The following NCR1 variants were observed in gnomAD, a reference collection of about 807,000 sequenced individuals.
NCR1 encodes natural cytotoxicity triggering receptor 1, also known as NK cell-activating receptor.
NCR1 carries 30 observed loss-of-function variants against 32.5 expected under a neutral mutation model. The observed-to-expected ratio is 0.92, with a 90% CI of 0.69 to 1.25. The LOEUF (loss-of-function observed/expected upper bound fraction) is 1.25. NCR1 is among the 50% of genes most tolerant of loss of function. The pLI, the probability that NCR1 is intolerant of heterozygous loss-of-function variation, is 0.00. For missense variants in NCR1, 369 were observed against 380.7 expected, an observed-to-expected ratio of 0.97 and a Z score of 0.26; for synonymous variants, 169 against 143.4, an observed-to-expected ratio of 1.18 and a Z score of -1.28.
At chr19:54,914,308 C>G (rs1362806671), downstream of NCR1, among the ~76,000 whole-genome samples, 1 of 151,370 alleles carries the variant, frequency 6.6e-6, no homozygotes, top group Non-Finnish European at 1.5e-5. Flanking sequence ...TGTGCTGCAC[C>G]CACTAACTCG....
chr19:54,901,569 C>CGAGGCAGGTGGGAGGCT (rs1569535321), upstream of NCR1, among the ~76,000 whole-genome samples: 2 of 151,710 alleles, frequency 1.3e-5, no homozygotes, highest in African/African-American at 4.8e-5. Flanking sequence ...CTTGGGAGGC[C>CGAGGCAGGTGGGAGGCT]GAGGCAGGTG....
chr19:54,936,353 C>G, the NCR1 span: 1 of 1,614,086 alleles, frequency 6.2e-7, no homozygotes, highest in Non-Finnish European at 8.5e-7. Flanking sequence ...CTGCCAGGGT[C>G]AGGTGCGTGA....
the NCR1 span, chr19:54,927,778 G>A: frequency 1.9e-6 from 3 of 1,613,560 alleles, no homozygotes; most frequent in East Asian, 6.7e-5. Flanking sequence ...TCCAGAGGCT[G>A]TTGAGGAAGA....
In NCR1 at chr19:54,912,367, C is replaced by T. The variant is rs3826879; in HGVS notation, c.733+149C>T. ...ATCTCAGCCCTTTGGGAGGCCGAGG[C>T]GGGCAGATCATCTGAGGTCGGGAGT... On this transcript the variant is annotated intron_variant, in intron 6 of 6. Transcript: ENST00000291890. The T allele has an allele frequency of 0.023, 17,870 of 776,500 alleles. 270 individuals are homozygous for T. Among genetic ancestry groups the T allele is most frequent in the South Asian group, 0.043 (2,720 of 62,904 alleles). 48.1% of individuals were successfully genotyped at this position (776,500 alleles called of 1,614,324 possible).
chr19:54,936,077 T>C, the NCR1 span, among the ~76,000 whole-genome samples: 3 of 152,116 alleles, frequency 2.0e-5, no homozygotes, highest in African/African-American at 4.8e-5. Flanking sequence ...TAGCTGGTTA[T>C]GCAACACAGA....
downstream of NCR1, among the ~76,000 whole-genome samples, chr19:54,916,338 T>TTTTTTTTTTG (rs1556721210): frequency 7.6e-6 from 1 of 132,024 alleles, no homozygotes; most frequent in African/African-American, 2.9e-5. Flanking sequence ...TTTTTTTTTT[T>TTTTTTTTTTG]GAGACGAAGT....
At chr19:54,927,820 AG>A in the NCR1 span, 1 of 1,579,032 alleles carries the variant, frequency 6.3e-7, no homozygotes, top group South Asian at 1.1e-5. Context: ...CTGAGCAGGT[AG>A]TGGCTCAAGC....
At chr19:54,937,648 A>C in the NCR1 span, among the ~76,000 whole-genome samples, 3 of 152,092 alleles carry the variant, frequency 2.0e-5, no homozygotes, top group Non-Finnish European at 4.4e-5. Flanking sequence ...CTATAATCCC[A>C]GCACTTTGGA....
At chr19:54,926,027 AAGAC>A in the NCR1 span, among the ~76,000 whole-genome samples, 1 of 151,654 alleles carries the variant, frequency 6.6e-6, no homozygotes, top group Non-Finnish European at 1.5e-5. Context: ...TTCAAAAAAA[AAGAC>A]AGACTCCGTC....
the NCR1 span, among the ~76,000 whole-genome samples, chr19:54,922,967 CAG>C: frequency 7.3e-5 from 11 of 149,738 alleles, no homozygotes; most frequent in East Asian, 1.9e-4. Flanking sequence ...CACACAGAGA[CAG>C]AGAGAGAGAG....
the NCR1 span, chr19:54,936,418 T>C: frequency 1.9e-6 from 3 of 1,613,914 alleles, no homozygotes; most frequent in Non-Finnish European, 2.5e-6. Context: ...GTGTCAGGGG[T>C]GACGTTTTTA....
rs11345154 is a variant in NCR1, at chr19:54,909,934, C to CAAAAA, written c.635-66_635-62dup. On this transcript the variant is annotated intron_variant, in intron 4 of 6. Coordinates refer to ENST00000291890, the MANE Select transcript of NCR1 (RefSeq NM_004829.7). ...TGGGCGACAGAGCAAGACTCCATCT[C>CAAAAA]AAAAAAAAAAAAAAAAAAAAAAGAA... 529 of 610,028 alleles carry CAAAAA rather than the reference C, an allele frequency of 8.7e-4. 2 individuals carry two copies. Among genetic ancestry groups the CAAAAA allele is most frequent in the South Asian group, 1.4e-3 (71 of 50,646 alleles). 37.8% of individuals were successfully genotyped at this position (610,028 alleles called of 1,614,324 possible). A position where few individuals can be genotyped will look rare whatever the true frequency, so the allele number is the denominator to read the frequency against.
Position 54,906,681 on chromosome 19 carries a change from C to T in NCR1, c.229C>T (p.Arg77Trp), listed in dbSNP as rs142746677. The T allele has an allele frequency of 3.7e-6, 6 of 1,614,088 alleles. No homozygotes were observed. The highest frequency in any genetic ancestry group is 1.3e-5 in the African/African-American group (1 of 74,920). Residue 77 changes from arginine to tryptophan, a missense_variant, in exon 3 of 7, where the codon CGG (arginine) becomes TGG (tryptophan). Physicochemically the swap from Arg to Trp is moderately radical, Grantham distance 101. Coordinates refer to ENST00000291890, the MANE Select transcript of NCR1 (RefSeq NM_004829.7). ...FAVDRPKPPERINKVQFYIPD... is the reference protein window; with the variant it reads ...FAVDRPKPPEWINKVQFYIPD... ...CGTGGACAGACCAAAACCCCCTGAGCGGATTAACAAAGTCCAATTCTACAT... is the reference window on the plus strand; with the variant it reads ...CGTGGACAGACCAAAACCCCCTGAGTGGATTAACAAAGTCCAATTCTACAT...
chr19:54,906,420 AGGGTGCT>A, intron 2 of NCR1, 86 bp downstream of exon 2: 2 of 1,601,608 alleles, frequency 1.2e-6, no homozygotes. Flanking sequence ...GTGAGGGGAC[AGGGTGCT>A]GGCTTCCCAG....
chr19:54,915,159 C>G (rs2068108264), downstream of NCR1, among the ~76,000 whole-genome samples: 1 of 152,096 alleles, frequency 6.6e-6, no homozygotes, highest in Non-Finnish European at 1.5e-5. Flanking sequence ...GTGAATTGAT[C>G]TATGTCAGAT....
At chr19:54,927,718 G>A in the NCR1 span, 1 of 1,613,984 alleles carries the variant, frequency 6.2e-7, no homozygotes, top group South Asian at 1.1e-5. Flanking sequence ...TCTGATTGCT[G>A]AGGAGAGCAG....
At chr19:54,916,317 C>CTTTTTTTTTTTTTTTTTT (rs71181711), downstream of NCR1, among the ~76,000 whole-genome samples, 156 of 87,082 alleles carry the variant, frequency 1.8e-3, 13 homozygotes, top group East Asian at 0.013. Flanking sequence ...GAATATTGTG[C>CTTTTTTTTTTTTTTTTTT]TTTTTTTTTT....
At chr19:54,900,405 G>A in the NCR1 span, among the ~76,000 whole-genome samples, 1 of 152,160 alleles carries the variant, frequency 6.6e-6, no homozygotes, top group Non-Finnish European at 1.5e-5. Flanking sequence ...TGCTCAGTAG[G>A]GGAGCTTTTG....
At chr19:54,930,808 C>T in the NCR1 span, 1 of 724,520 alleles carries the variant, frequency 1.4e-6, no homozygotes, top group Non-Finnish European at 2.4e-6. Context: ...CTCTGCCTCC[C>T]AGGTTCAAGC....
Sources: gnomAD v4.1 joint callset for allele counts (sites outside exome capture counted in the v4.1 genomes callset) on GRCh38, gnomAD v4.1.1 for gene constraint, MANE v1.5 for transcripts, NCBI Gene and HGNC (gene_info 2026-07-23, HGNC 2026-07-21) for gene names.